The following PLS1 variants were observed in gnomAD, a reference collection of about 807,000 sequenced individuals.
The protein encoded by PLS1 is plastin 1.
Under a neutral mutation model 73.7 loss-of-function variants are expected in PLS1, and 32 were observed. The ratio of observed to expected loss-of-function variants is 0.43; its 90% CI spans 0.33 to 0.58. The LOEUF is 0.58. PLS1 is among the 20% of genes least tolerant of loss of function. PLS1 has a pLI of 0.04. For synonymous variants in PLS1, 217 were observed against 261.3 expected (o/e 0.83, Z 1.63); for missense variants, 633 against 740.5 (o/e 0.85, Z 1.68).
At position 142,712,138 on chromosome 3, in the gene PLS1, T is replaced by C; in HGVS notation, c.*131T>C. 1.2e-6 allele frequency: 1 copy of C among 823,994 alleles called. No homozygotes were observed. Among genetic ancestry groups the C allele is most frequent in the Non-Finnish European group, 1.9e-6 (1 of 520,708 alleles). 51.0% of individuals were successfully genotyped at this position (823,994 alleles called of 1,614,324 possible). A position where few individuals can be genotyped will look rare whatever the true frequency, so the allele number is the denominator to read the frequency against. On this transcript the variant is annotated 3_prime_UTR_variant, in exon 16 of 16. Transcript: ENST00000457734. ...AATAGTTATATATTCATTAATGAAT[T>C]CAATATCCTGTTCATACTAGTTAGA...
chr3:142,598,517 G>C (rs561581598), intron 1 of PLS1, among the ~76,000 whole-genome samples: 4 of 152,254 alleles, frequency 2.6e-5, no homozygotes, highest in African/African-American at 9.6e-5. Flanking sequence ...AAAAACACGG[G>C]TCAGTTGGTC....
chr3:142,659,614 G>A (rs1464731193), intron 1 of PLS1, among the ~76,000 whole-genome samples: 1 of 151,200 alleles, frequency 6.6e-6, no homozygotes, highest in Non-Finnish European at 1.5e-5. Context: ...CCTCTTCCTA[G>A]TCTGCCTCAG....
intron 10 of PLS1, among the ~76,000 whole-genome samples, chr3:142,691,011 C>T (rs1039695860): frequency 1.6e-4 from 24 of 151,938 alleles, no homozygotes; most frequent in African/African-American, 4.8e-4. Flanking sequence ...GTATGATGTG[C>T]GGTATTCATG....
intron 1 of PLS1, among the ~76,000 whole-genome samples, chr3:142,663,346 G>T (rs1038475234): frequency 6.6e-6 from 1 of 152,170 alleles, no homozygotes; most frequent in African/African-American, 2.4e-5. Context: ...ATTATTTTCT[G>T]CAGTGAACAC....
At chr3:142,609,464 A>G (rs2036080194) in intron 1 of PLS1, among the ~76,000 whole-genome samples, 1 of 152,250 alleles carries the variant, frequency 6.6e-6, no homozygotes, top group Non-Finnish European at 1.5e-5. Context: ...GCCTAGAGTG[A>G]CAAATATCAC....
At chr3:142,617,835 C>T (rs972005967) in intron 1 of PLS1, among the ~76,000 whole-genome samples, 5 of 152,118 alleles carry the variant, frequency 3.3e-5, no homozygotes, top group East Asian at 1.9e-4. Context: ...AAAATTAGCC[C>T]GGCTTGGTGG....
chr3:142,607,288 A>G (rs546179853), intron 1 of PLS1, among the ~76,000 whole-genome samples: 1 of 152,058 alleles, frequency 6.6e-6, no homozygotes, highest in East Asian at 1.9e-4. Context: ...ACATATATAT[A>G]TATATTTTTT....
At chr3:142,610,520 G>A (rs936055611) in intron 1 of PLS1, among the ~76,000 whole-genome samples, 4 of 152,102 alleles carry the variant, frequency 2.6e-5, no homozygotes, top group Non-Finnish European at 4.4e-5. Flanking sequence ...TAAGCCCATA[G>A]GATGTTTTTT....
Position 142,712,112 on chromosome 3 carries a change from A to G in PLS1, c.*105A>G, listed in dbSNP as rs568680819. ...AAACCAGAGATTATTTGTATGCTCAAAATAGTTATATATTCATTAATGAAT... is the reference window on the plus strand; with the variant it reads ...AAACCAGAGATTATTTGTATGCTCAGAATAGTTATATATTCATTAATGAAT... On this transcript the variant is annotated 3_prime_UTR_variant, in exon 16 of 16. Coordinates refer to ENST00000457734, the MANE Select transcript of PLS1 (RefSeq NM_001145319.2). 1.9e-4 allele frequency: 185 copies of G among 995,746 alleles called. No individual in the cohort carries two copies. Among genetic ancestry groups the G allele is most frequent in the African/African-American group, 9.9e-4 (62 of 62,524 alleles). 61.7% of individuals were successfully genotyped at this position (995,746 alleles called of 1,614,324 possible).
intron 1 of PLS1, among the ~76,000 whole-genome samples, chr3:142,637,881 T>C (rs1219372270): frequency 6.6e-6 from 1 of 151,564 alleles, no homozygotes; most frequent in Admixed American, 6.6e-5. Flanking sequence ...TCTATATATA[T>C]ATGAGATTTA....
In PLS1 at chr3:142,669,521, G is replaced by A. The variant is rs760031517; in HGVS notation, c.202G>A (p.Asp68Asn). The A allele has an allele frequency of 6.2e-7, 1 of 1,613,364 alleles. No individual in the cohort carries two copies. The highest frequency in any genetic ancestry group is 8.5e-7 in the Non-Finnish European group (1 of 1,179,618). Residue 68 changes from aspartate (D) to asparagine (N), a missense_variant, in exon 3 of 16, where the codon GAT (aspartate) becomes AAT (asparagine). Asp to Asn is a conservative substitution (Grantham distance 23, BLOSUM62 1). Coordinates refer to ENST00000457734, the MANE Select transcript of PLS1 (RefSeq NM_001145319.2). ...KILSVADSNK[D>N]GKISFEEFVS... ...TCTATCAGTTGCTGACAGCAACAAA[G>A]ATGGCAAAATCAGTTTTGAAGAGTT... is the stretch of plus-strand genomic sequence containing the variant.
rs145897526 is a variant in PLS1, at chr3:142,705,953, C to T, written c.1629+1367C>T. 4.7e-3 allele frequency among the ~76,000 whole-genome samples: 713 copies of T among 152,132 alleles called. 5 individuals carry two copies. Among genetic ancestry groups the T allele is most frequent in the African/African-American group, 0.016 (677 of 41,486 alleles). On this transcript the variant is annotated intron_variant, in intron 14 of 15. Transcript: ENST00000457734. ...AATTTTCAGTGCATGATTTGTCTCT[C>T]TGTGTTTTAAACATAAAACACAAAA...
intron 1 of PLS1, among the ~76,000 whole-genome samples, chr3:142,616,263 A>G (rs995289956): frequency 1.3e-5 from 2 of 152,170 alleles, no homozygotes; most frequent in Admixed American, 6.5e-5. Flanking sequence ...AAACATGAAG[A>G]CTTTCTTCAG....
At chr3:142,642,056 C>T (rs2036854037) in intron 1 of PLS1, among the ~76,000 whole-genome samples, 1 of 152,046 alleles carries the variant, frequency 6.6e-6, no homozygotes, top group Non-Finnish European at 1.5e-5. Context: ...CTTTTGCTTG[C>T]TCTAGATCAT....
At chr3:142,703,599 A>G (rs2038381771) in intron 12 of PLS1, among the ~76,000 whole-genome samples, 1 of 152,140 alleles carries the variant, frequency 6.6e-6, no homozygotes, top group Non-Finnish European at 1.5e-5. Context: ...CCCGGCCTGG[A>G]TAGTCAAGAT....
chr3:142,693,365 C>G (rs1481374406), intron 10 of PLS1, among the ~76,000 whole-genome samples: 1 of 152,260 alleles, frequency 6.6e-6, no homozygotes, highest in South Asian at 2.1e-4. Flanking sequence ...ATGACTGTTG[C>G]AATCGCTCTA....
intron 1 of PLS1, chr3:142,656,816 A>G (rs946025649): frequency 3.9e-5 from 6 of 152,122 alleles, no homozygotes; most frequent in African/African-American, 1.4e-4. Context: ...ATAATTTGCA[A>G]AGAAGAAGAG....
intron 4 of PLS1, among the ~76,000 whole-genome samples, chr3:142,672,470 G>A (rs1161651781): frequency 1.3e-5 from 2 of 151,436 alleles, no homozygotes; most frequent in Non-Finnish European, 2.9e-5. Context: ...AGCCTCCTGA[G>A]TAGCTGGGAC....
chr3:142,647,280 A>C (rs2036972578), intron 1 of PLS1, among the ~76,000 whole-genome samples: 1 of 152,242 alleles, frequency 6.6e-6, no homozygotes, highest in Non-Finnish European at 1.5e-5. Context: ...TATTGCATCA[A>C]CTTATCACCT....
Sources: gnomAD v4.1 joint callset for allele counts (sites outside exome capture counted in the v4.1 genomes callset) on GRCh38, gnomAD v4.1.1 for gene constraint, MANE v1.5 for transcripts, NCBI Gene and HGNC (gene_info 2026-07-23, HGNC 2026-07-21) for gene names.